PARS2: variants seen among roughly 807,000 people sequenced by gnomAD.
PARS2 encodes prolyl-tRNA synthetase 2, mitochondrial.
PARS2 carries 20 observed loss-of-function variants against 27.4 expected under a neutral mutation model. The ratio of observed to expected loss-of-function variants is 0.73; its 90% CI spans 0.51 to 1.06. The LOEUF is 1.06. PARS2 is among the 50% of genes least tolerant of loss of function. The pLI is 0.00. For missense variants in PARS2, 585 were observed against 602.1 expected (o/e 0.97, Z 0.30); for synonymous variants, 240 against 247.1 (o/e 0.97, Z 0.27).
chr1:54,763,374 CG>C (rs1646167540), intron 1 of PARS2, among the ~76,000 whole-genome samples: 1 of 151,970 alleles, frequency 6.6e-6, no homozygotes, highest in African/African-American at 2.4e-5. Flanking sequence ...AGGTCAGTGT[CG>C]ATGTTTAACA....
chr1:54,758,290 T>C lies in PARS2; in HGVS notation c.872A>G (p.Asn291Ser). ...NMETLDLSQM[N>S]CPACQGPLTK... The stretch of plus-strand genomic sequence containing the variant: ...CAATGGGCCCTGGCAAGCAGGGCAG[T>C]TCATTTGTGACAAGTCTAGTGTCTC... Residue 291 changes from asparagine to serine, a missense_variant, in exon 2 of 2, where the codon AAC (asparagine) becomes AGC (serine). By Grantham distance (46) the Asn-to-Ser change is conservative. Transcript: ENST00000371279. 1.9e-6 allele frequency: 3 copies of C among 1,614,186 alleles called. No individual in the cohort carries two copies. The highest frequency in any genetic ancestry group is 2.2e-5 in the East Asian group (1 of 44,886).
In PARS2 at chr1:54,757,200, C is replaced by T. The variant is rs977336755; in HGVS notation, c.*534G>A. Reference sequence around the variant, plus strand: ...GCAGGGGGAGGGGATGTATCTAAGTCACTAGTGAGTTGGCGGCAGTCAGGT... The same window carrying T: ...GCAGGGGGAGGGGATGTATCTAAGTTACTAGTGAGTTGGCGGCAGTCAGGT... On this transcript the variant is annotated 3_prime_UTR_variant, in exon 2 of 2. Transcript: ENST00000371279. 1 of 152,484 alleles carries T rather than the reference C, an allele frequency of 6.6e-6. No individual in the cohort carries two copies. Among genetic ancestry groups the T allele is most frequent in the African/African-American group, 2.4e-5 (1 of 41,448 alleles). The allele number at this position is 152,484 out of a possible 1,614,324, so 9.4% of individuals were successfully genotyped here.
At position 54,758,323 on chromosome 1, in the gene PARS2, G is replaced by A. The variant is rs768330903; in HGVS notation, c.839C>T (p.Ala280Val). The change falls in exon 2 of 2, where the codon GCC becomes GTC. Residue 280 changes from alanine to valine, a missense_variant. Physicochemically the swap from Ala to Val is moderately conservative, Grantham distance 64. Transcript: ENST00000371279. The stretch of plus-strand genomic sequence containing the variant: ...TGACAAGTCTAGTGTCTCCATGTTG[G>A]CTGAGAAGCTGCAGCGGGGACAGAT... ...LAICPRCSFS[A>V]NMETLDLSQM... 7.4e-6 allele frequency: 12 copies of A among 1,614,200 alleles called. 1 individual carries two copies. The South Asian group carries it at 1.3e-4, about 18-fold the overall frequency.
chr1:54,759,164 C>A lies in PARS2; in HGVS notation c.-3G>T. ...CATCTTGTCAGCAGCCCTTCCATGA[C>A]ACCCTGGCACCGGGAAGCACAGGCA... On this transcript the variant is annotated 5_prime_UTR_variant, in exon 2 of 2. Coordinates refer to ENST00000371279, the MANE Select transcript of PARS2 (RefSeq NM_152268.4). 1 of 1,574,538 alleles carries A rather than the reference C, an allele frequency of 6.4e-7. No individual in the cohort carries two copies.
At chr1:54,762,978 A>C (rs528980813) in intron 1 of PARS2, among the ~76,000 whole-genome samples, 56 of 152,326 alleles carry the variant, frequency 3.7e-4, no homozygotes, top group Non-Finnish European at 6.5e-4. Context: ...CCTGTTTACA[A>C]TCCATTAACG....
intron 1 of PARS2, among the ~76,000 whole-genome samples, chr1:54,762,429 C>T (rs993140844): frequency 1.3e-5 from 2 of 152,156 alleles, no homozygotes; most frequent in African/African-American, 2.4e-5. Flanking sequence ...CGTGAGCCAC[C>T]ATGCCCGGTT....
At chr1:54,762,180 C>A (rs1465762706) in intron 1 of PARS2, among the ~76,000 whole-genome samples, 1 of 150,942 alleles carries the variant, frequency 6.6e-6, no homozygotes, top group Non-Finnish European at 1.5e-5. Context: ...CTCTATCACC[C>A]AGGCTGGAGT....
Position 54,763,710 on chromosome 1 carries a change from G to C in PARS2, c.-30+751C>G, listed in dbSNP as rs115611058. ...CTTCAGGCTCTGGCAAACAGCCTCT[G>C]AGACATTCAGTCGATTTTTTTGAGT... On this transcript the variant is annotated intron_variant, in intron 1 of 1. Coordinates refer to ENST00000371279, the MANE Select transcript of PARS2 (RefSeq NM_152268.4). Among the ~76,000 whole-genome samples, 641 of 152,286 alleles carry C rather than the reference G, an allele frequency of 4.2e-3. 3 individuals carry two copies. The highest frequency in any genetic ancestry group is 0.013 in the African/African-American group (538 of 41,556).
At chr1:54,762,005 C>A (rs1015876311) in intron 1 of PARS2, among the ~76,000 whole-genome samples, 1 of 152,230 alleles carries the variant, frequency 6.6e-6, no homozygotes, top group African/African-American at 2.4e-5. Flanking sequence ...TCAAGGTTTC[C>A]CTTAAGTCCA....
intron 1 of PARS2, among the ~76,000 whole-genome samples, chr1:54,764,230 C>T (rs1646173393): frequency 1.3e-5 from 2 of 152,216 alleles, no homozygotes; most frequent in African/African-American, 4.8e-5. Context: ...GTGACTCTCA[C>T]GACGACCGAG....
chr1:54,759,980 G>C (rs1646146870), intron 1 of PARS2, among the ~76,000 whole-genome samples: 2 of 151,970 alleles, frequency 1.3e-5, no homozygotes, highest in Admixed American at 1.3e-4. Context: ...TTCCAGCCTG[G>C]GTAACACAGT....
At position 54,758,304 on chromosome 1, in the gene PARS2, G is replaced by A. The variant is rs368159648; in HGVS notation, c.858C>T (p.Asp286=). Residue 286 remains aspartate, a synonymous_variant, in exon 2 of 2, where the codon GAC becomes GAT. Transcript: ENST00000371279. ...AAGCAGGGCAGTTCATTTGTGACAA[G>A]TCTAGTGTCTCCATGTTGGCTGAGA... ...CSFSANMETL[D]LSQMNCPACQ... is the part of the protein sequence containing the mutation. 33 of 1,614,112 alleles carry A rather than the reference G, an allele frequency of 2.0e-5. No homozygotes were observed. Among genetic ancestry groups the A allele is most frequent in the Non-Finnish European group, 2.5e-5 (30 of 1,180,048 alleles).
chr1:54,759,760 T>A (rs1159276808), intron 1 of PARS2, among the ~76,000 whole-genome samples: 11 of 152,244 alleles, frequency 7.2e-5, no homozygotes, highest in African/African-American at 2.4e-4. Context: ...GATTCCAGCA[T>A]TTTGGGAGGC....
rs758342465 is a variant in PARS2, at chr1:54,758,998, C to T, written c.164G>A (p.Arg55Gln). ...VFQPQNLRED[R>Q]VLSLQDKSDD... is the part of the protein sequence containing the mutation. ...AGATTTGTCCTGCAGGGAGAGCACC[C>T]GGTCTTCCCGAAGGTTCTGTGGCTG... The change falls in exon 2 of 2, where the codon CGG becomes CAG. Residue 55 changes from arginine to glutamine, a missense_variant. Transcript: ENST00000371279. 36 of 1,614,136 alleles carry T rather than the reference C, an allele frequency of 2.2e-5. No homozygotes were observed. The highest frequency in any genetic ancestry group is 3.3e-5 in the South Asian group (3 of 91,082).
At position 54,758,093 on chromosome 1, in the gene PARS2, T is replaced by C; in HGVS notation, c.1069A>G (p.Thr357Ala). 1 of 1,613,830 alleles carries C rather than the reference T, an allele frequency of 6.2e-7. No individual in the cohort carries two copies. Among genetic ancestry groups the C allele is most frequent in the African/African-American group, 1.3e-5 (1 of 74,948 alleles). ...ILAAAIEVLS[T>A]EDCVRWPSLL... is the part of the protein sequence containing the mutation. ...CTGGGCCAGCGGACACAGTCTTCTG[T>C]AGAGAGGACTTCAATGGCAGCAGCC... The change falls in exon 2 of 2, where the codon ACA becomes GCA. Residue 357 changes from threonine (T) to alanine (A), a missense_variant. By Grantham distance (58) the Thr-to-Ala change is moderately conservative. Transcript: ENST00000371279.
Position 54,758,160 on chromosome 1 carries a change from C to G in PARS2, c.1002G>C (p.Leu334=). The change falls in exon 2 of 2, where the codon CTG becomes CTC. Residue 334 remains leucine (L), a synonymous_variant. Coordinates refer to ENST00000371279, the MANE Select transcript of PARS2 (RefSeq NM_152268.4). ...CCAAGCCATAGCACCCCATTTCAGC[C>G]AGGGTTGGTTTGCCACAGACATTGG... ...QFTNVCGKPT[L]AEMGCYGLGV... The G allele has an allele frequency of 3.1e-6, 5 of 1,614,216 alleles. No homozygotes were observed. The Middle Eastern group carries it at 8.2e-4, about 266-fold the overall frequency.
At position 54,758,254 on chromosome 1, in the gene PARS2, T is replaced by C; in HGVS notation, c.908A>G (p.Lys303Arg). The C allele has an allele frequency of 6.2e-7, 1 of 1,614,160 alleles. No individual in the cohort carries two copies. Among genetic ancestry groups the C allele is most frequent in the South Asian group, 1.1e-5 (1 of 91,082 alleles). Residue 303 changes from lysine (K) to arginine (R), a missense_variant, in exon 2 of 2, where the codon AAA becomes AGA. Transcript: ENST00000371279. ...AAATGTGTGCCCCACCTCAATGCCT[T>C]TGGTTTTAGTCAATGGGCCCTGGCA... ...PACQGPLTKT[K>R]GIEVGHTFYL...
Position 54,760,293 on chromosome 1 carries a change from T to C in PARS2, c.-29-1103A>G, listed in dbSNP as rs528716020. ...TCTGTGTCCCAGAATGAACTCAGCA[T>C]TCTCCCCGCAAACCTACTCCCCCTC... On this transcript the variant is annotated intron_variant, in intron 1 of 1. Transcript: ENST00000371279. 1.6e-3 allele frequency among the ~76,000 whole-genome samples: 249 copies of C among 152,262 alleles called. 1 individual carries two copies. Among genetic ancestry groups the C allele is most frequent in the Non-Finnish European group, 2.7e-3 (184 of 68,014 alleles).
At position 54,759,186 on chromosome 1, in the gene PARS2, G is replaced by GGCA. The variant is rs777329592; in HGVS notation, c.-28_-26dup. On this transcript the variant is annotated 5_prime_UTR_variant, in exon 2 of 2. Coordinates refer to ENST00000371279, the MANE Select transcript of PARS2 (RefSeq NM_152268.4). ...TGACACCCTGGCACCGGGAAGCACA[G>GGCA]GCACCTGAGGAAAAATGAGTTGTGT... 6.5e-7 allele frequency: 1 copy of GGCA among 1,534,698 alleles called. No individual in the cohort carries two copies. Among genetic ancestry groups the GGCA allele is most frequent in the Admixed American group, 1.9e-5 (1 of 51,968 alleles).
Sources: allele counts gnomAD v4.1 joint callset (sites outside exome capture counted in the v4.1 genomes callset), GRCh38; gene constraint gnomAD v4.1.1; transcripts MANE v1.5; gene names NCBI Gene and HGNC (gene_info 2026-07-23, HGNC 2026-07-21).